Variants in MUC6 observed in about 807,000 individuals in gnomAD.
The protein encoded by MUC6 is mucin 6, oligomeric mucus/gel-forming (gene/pseudogene).
MUC6 carries 188 observed loss-of-function variants against 201.5 expected under a neutral mutation model. The ratio of observed to expected loss-of-function variants is 0.93; its 90% confidence interval spans 0.83 to 1.05. The LOEUF is 1.05. Ranked by LOEUF, MUC6 falls within the 50% of genes least tolerant of loss-of-function variation. MUC6 has a pLI of 0.00. For synonymous variants in MUC6, 1,228 were observed against 1,389.4 expected, an observed-to-expected ratio of 0.88 and a Z score of 2.58; for missense variants, 2,706 against 3,256.9, an observed-to-expected ratio of 0.83 and a Z score of 4.12.
chr11:1,032,493 T>C (rs1366045759), intron 2 of MUC6, among the ~76,000 whole-genome samples: 1 of 151,384 alleles, frequency 6.6e-6, no homozygotes, highest in Admixed American at 6.6e-5. Flanking sequence ...CGAGTGCATG[T>C]GTGTGCATTC....
rs1473731445 is a variant in MUC6 at position 1,020,153 on chromosome 11, G to T, written c.3745C>A (p.Pro1249Thr). The T allele has an allele frequency of 1.4e-5, 22 of 1,613,214 alleles. No individual in the cohort carries two copies. The highest frequency in any genetic ancestry group is 1.9e-5 in the Non-Finnish European group (22 of 1,179,854). Reference sequence around the variant, plus strand: ...GCTGGAAGGAGGGGTGTCTGGGTGGGGCTGGCAGGGGTGTGATTAGAGCTG... The same window carrying T: ...GCTGGAAGGAGGGGTGTCTGGGTGGTGCTGGCAGGGGTGTGATTAGAGCTG... ...SPSSNHTPASPTQTPLLPATL... is the reference protein window; with the variant it reads ...SPSSNHTPASTTQTPLLPATL... The change falls in exon 29 of 33, where the codon CCC (proline) becomes ACC (threonine). Residue 1249 changes from proline (P) to threonine (T), a missense_variant. By Grantham distance (38) the Pro-to-Thr change is conservative (BLOSUM62 -1). Coordinates refer to ENST00000421673, the MANE Select transcript of MUC6 (RefSeq NM_005961.3).
Position 1,016,232 on chromosome 11 carries a change from G to A in MUC6, c.6569C>T (p.Ala2190Val). 3 of 1,613,362 alleles carry A rather than the reference G, an allele frequency of 1.9e-6. No homozygotes were observed. The highest frequency in any genetic ancestry group is 2.2e-5 in the East Asian group (1 of 44,872). ...AAAAAGAGGAGATGCAGACACTGAT[G>A]CAGTCGTGGGATGAGTGGACAATGA... Reference protein sequence around the residue: ...HSSLSTHPTTASVSASPLFPS... With the variant: ...HSSLSTHPTTVSVSASPLFPS... Residue 2190 changes from alanine to valine, a missense_variant, in exon 31 of 33, where the codon GCA becomes GTA. Physicochemically the swap from Ala to Val is moderately conservative, Grantham distance 64. Around this residue, in one of 10 missense-constraint regions of MUC6, gnomAD observed 586 missense variants for 488.0 expected, o/e 1.20. Coordinates refer to ENST00000421673, the MANE Select transcript of MUC6 (RefSeq NM_005961.3).
Position 1,031,197 on chromosome 11 carries a change from C to G in MUC6, c.546G>C (p.Lys182Asn). The G allele has an allele frequency of 1.3e-6, 2 of 1,566,980 alleles. No homozygotes were observed. The highest frequency in any genetic ancestry group is 1.7e-6 in the Non-Finnish European group (2 of 1,156,962). The change falls in exon 5 of 33, where the codon AAG (lysine) becomes AAC (asparagine). Residue 182 changes from lysine (K) to asparagine (N), a missense_variant. Coordinates refer to ENST00000421673, the MANE Select transcript of MUC6 (RefSeq NM_005961.3). ...CCTCACTGACAAACTCGTTGGTCAC[C>G]TTCCCGTCAAAGTTCCCGCAGAGCC... Reference protein sequence around the residue: ...MCGLCGNFDGKVTNEFVSEEG... With the variant: ...MCGLCGNFDGNVTNEFVSEEG...
chr11:1,021,325 C>T (rs1446938093), intron 26 of MUC6, 48 bp from the exon 27 acceptor site: 1 of 1,366,324 alleles, frequency 7.3e-7, no homozygotes, highest in Non-Finnish European at 9.7e-7. Flanking sequence ...GCCAGCCAGG[C>T]CCACCTGCGT....
At chr11:1,018,829 G>T (rs1564836462) in intron 30 of MUC6, 59 bp from the exon 31 acceptor site, 4 of 1,515,160 alleles carry the variant, frequency 2.6e-6, no homozygotes, top group Non-Finnish European at 3.5e-6. Flanking sequence ...CCTGACCTCC[G>T]CTGGCCCGTC....
chr11:1,023,674 G>T (rs750998123), intron 25 of MUC6, 22 bp from the exon 26 acceptor site: 10 of 1,610,566 alleles, frequency 6.2e-6, no homozygotes, highest in Middle Eastern at 2.1e-4. Flanking sequence ...GGAGCTGTCA[G>T]CTGGTGGGGT....
rs72842419 is a variant in MUC6, at chr11:1,033,856, C to T, written c.53-781G>A. 0.13 allele frequency among the ~76,000 whole-genome samples: 20,014 copies of T among 151,874 alleles called. 1,637 individuals are homozygous for T. The highest frequency in any genetic ancestry group is 0.19 in the Non-Finnish European group (12,963 of 67,810). On this transcript the variant is annotated intron_variant, in intron 1 of 32. Coordinates refer to ENST00000421673, the MANE Select transcript of MUC6 (RefSeq NM_005961.3). This position sits in a 1 kb window ranked among gnomAD's most constrained non-coding sequence, Gnocchi z 5.6. ...AGCCCCCGATGTCTGAGTGGTGGTGCGGCACCTGAGCAGGACCCGTGACCT... is the reference window on the plus strand; with the variant it reads ...AGCCCCCGATGTCTGAGTGGTGGTGTGGCACCTGAGCAGGACCCGTGACCT...
chr11:1,017,439 C>A lies in MUC6; in HGVS notation c.5362G>T (p.Ala1788Ser), dbSNP rs769070993. The stretch of plus-strand genomic sequence containing the variant: ...GGTGTGGGTAGCCTGCTGCTGGTGG[C>A]CGACGTGGTGTGGGCCACAGGGGTT... ...TRTPVAHTTS[A>S]TSSRLPTPFT... Residue 1788 changes from alanine (A) to serine (S), a missense_variant, in exon 31 of 33, where the codon GCC becomes TCC. Coordinates refer to ENST00000421673, the MANE Select transcript of MUC6 (RefSeq NM_005961.3). 6.2e-7 allele frequency: 1 copy of A among 1,614,050 alleles called. No individual in the cohort carries two copies.
intron 18 of MUC6, 33 bp downstream of exon 18, chr11:1,027,108 G>A (rs1487249248): frequency 6.2e-7 from 1 of 1,611,660 alleles, no homozygotes; most frequent in Non-Finnish European, 8.5e-7. Flanking sequence ...GCCCCTCACA[G>A]TCCCAGCCTG....
At position 1,013,530 on chromosome 11, in the gene MUC6, G is replaced by C; in HGVS notation, c.7246C>G (p.Pro2416Ala). 12 of 1,582,244 alleles carry C rather than the reference G, an allele frequency of 7.6e-6. No homozygotes were observed. The highest frequency in any genetic ancestry group is 1.0e-5 in the Non-Finnish European group (12 of 1,165,606). The stretch of plus-strand genomic sequence containing the variant: ...AGGGTGAGTACGAGCCGCCGGCCAG[G>C]CGTGCTGGGATCGGGGCAGGGCAGC... ...LELPCPDPST[P>A]GRRLVLTLQV... The change falls in exon 33 of 33, where the codon CCT (proline) becomes GCT (alanine). Residue 2416 changes from proline to alanine, a missense_variant. This residue lies in a region of MUC6 where 586 missense variants were observed against 488.0 expected (regional missense o/e 1.20). Coordinates refer to ENST00000421673, the MANE Select transcript of MUC6 (RefSeq NM_005961.3).
At position 1,036,601 on chromosome 11, in the gene MUC6, C is replaced by T; in HGVS notation, c.52+3G>A. On this transcript the variant is annotated splice_donor_region_variant and intron_variant, in intron 1 of 32. Coordinates refer to ENST00000421673, the MANE Select transcript of MUC6 (RefSeq NM_005961.3). ...GTGTCTGGCGCCCCTCGACCTCACT[C>T]ACCAGCGCTGAGCAGGGCTCCGCAG... is the stretch of plus-strand genomic sequence containing the variant. 1 of 1,548,964 alleles carries T rather than the reference C, an allele frequency of 6.5e-7. No homozygotes were observed.
In MUC6 at chr11:1,026,035, C is replaced by A; in HGVS notation, c.2653G>T (p.Val885Leu). 1 of 1,589,958 alleles carries A rather than the reference C, an allele frequency of 6.3e-7. No homozygotes were observed. Among genetic ancestry groups the A allele is most frequent in the Non-Finnish European group, 8.6e-7 (1 of 1,168,640 alleles). ...ATGTACTCGCAGTTGCCGTCGAATA[C>A]GAAGCGCTGGCCGTCGAAGGTGATG... The part of the protein sequence containing the change: ...HVITFDGQRF[V>L]FDGNCEYILA... The change falls in exon 21 of 33, where the codon GTA becomes TTA. Residue 885 changes from valine to leucine, a missense_variant. Physicochemically the swap from Val to Leu is conservative, Grantham distance 32. Around this residue, in one of 10 missense-constraint regions of MUC6, gnomAD observed 1,850 missense variants for 1,958.3 expected, o/e 0.94. Coordinates refer to ENST00000421673, the MANE Select transcript of MUC6 (RefSeq NM_005961.3).
chr11:1,027,151 C>T lies in MUC6; in HGVS notation c.2274G>A (p.Gln758=). The T allele has an allele frequency of 6.2e-7, 1 of 1,612,516 alleles. No homozygotes were observed. Among genetic ancestry groups the T allele is most frequent in the Non-Finnish European group, 8.5e-7 (1 of 1,179,814 alleles). Residue 758 remains glutamine (Q), a synonymous_variant, in exon 18 of 33, where the codon CAG becomes CAA. Transcript: ENST00000421673. ...NGRLSCPQRP[Q]MFLASCQAPK... Reference sequence around the variant, plus strand: ...CGCTGCTGTACGTACCCAGGAACATCTGTGGCCGCTGCGGGCAACTCAGCC... The same window carrying T: ...CGCTGCTGTACGTACCCAGGAACATTTGTGGCCGCTGCGGGCAACTCAGCC...
At position 1,031,745 on chromosome 11, in the gene MUC6, G is replaced by A. The variant is rs1475617528; in HGVS notation, c.357-12C>T. ...GCAGGCTGATGACCCTGTGGGGCAAGGGAAGTCGGTGGTCGATCCTCAGTC... is the reference window on the plus strand; with the variant it reads ...GCAGGCTGATGACCCTGTGGGGCAAAGGAAGTCGGTGGTCGATCCTCAGTC... On this transcript the variant is annotated splice_polypyrimidine_tract_variant and intron_variant, in intron 3 of 32. Transcript: ENST00000421673. 6.5e-7 allele frequency: 1 copy of A among 1,549,966 alleles called. No homozygotes were observed. The highest frequency in any genetic ancestry group is 8.7e-7 in the Non-Finnish European group (1 of 1,146,414).
Position 1,024,905 on chromosome 11 carries a change from G to T in MUC6, c.3164C>A (p.Ser1055Tyr), listed in dbSNP as rs1406544063. ...DPCSLNAFRR[S>Y]WAERKCSVIN... ...GACGCTGCACTTGCGCTCGGCCCAG[G>T]AGCGCCGGAAGGCATTGAGACTGCA... The change falls in exon 24 of 33, where the codon TCC becomes TAC. Residue 1055 changes from serine to tyrosine, a missense_variant. Ser to Tyr is a moderately radical substitution (Grantham distance 144). Transcript: ENST00000421673. The T allele has an allele frequency of 4.3e-6, 7 of 1,612,688 alleles. No individual in the cohort carries two copies. Among genetic ancestry groups the T allele is most frequent in the Non-Finnish European group, 5.9e-6 (7 of 1,179,894 alleles).
rs747992896 is a variant in MUC6 at position 1,028,291 on chromosome 11, C to T, written c.1688G>A (p.Arg563Gln). ...CAGAGCGGCCGGACAGTTCCCCGCC[C>T]GCCAGGAGTCCACAAACAGCGAGGC... The part of the protein sequence containing the change: ...GTASLFVDSW[R>Q]AGNCPAALER... The change falls in exon 14 of 33, where the codon CGG (arginine) becomes CAG (glutamine). Residue 563 changes from arginine (R) to glutamine (Q), a missense_variant. Arg to Gln is a conservative substitution (Grantham distance 43, BLOSUM62 1). Coordinates refer to ENST00000421673, the MANE Select transcript of MUC6 (RefSeq NM_005961.3). 9.9e-6 allele frequency: 16 copies of T among 1,608,384 alleles called. No individual in the cohort carries two copies. Among genetic ancestry groups the T allele is most frequent in the Non-Finnish European group, 1.4e-5 (16 of 1,178,238 alleles).
Position 1,016,219 on chromosome 11 carries a change from T to G in MUC6, c.6582A>C (p.Ala2194=). Residue 2194 remains alanine (A), a synonymous_variant, in exon 31 of 33, where the codon GCA becomes GCC. Coordinates refer to ENST00000421673, the MANE Select transcript of MUC6 (RefSeq NM_005961.3). ...STHPTTASVS[A]SPLFPSSPAA... is the part of the protein sequence containing the mutation. ...CTGGAGAAGAAGGAAAAAGAGGAGA[T>G]GCAGACACTGATGCAGTCGTGGGAT... 2.5e-6 allele frequency: 4 copies of G among 1,612,678 alleles called. No homozygotes were observed. Among genetic ancestry groups the G allele is most frequent in the Non-Finnish European group, 3.4e-6 (4 of 1,179,552 alleles).
In MUC6 at chr11:1,016,486, T is replaced by G; in HGVS notation, c.6315A>C (p.Ser2105=). ...PQNSSSRPPS[S]PITTQLPHLS... ...AGTGGGGGAGTTGTGTGGTGATAGG[T>G]GATGACGGTGGCCTTGAGCTAGAGT... Residue 2105 remains serine, a synonymous_variant, in exon 31 of 33, where the codon TCA becomes TCC. Coordinates refer to ENST00000421673, the MANE Select transcript of MUC6 (RefSeq NM_005961.3). 6.8e-6 allele frequency: 11 copies of G among 1,610,824 alleles called. No homozygotes were observed. Among genetic ancestry groups the G allele is most frequent in the Non-Finnish European group, 9.3e-6 (11 of 1,179,062 alleles).
chr11:1,020,981 T>A (rs1856793080), intron 27 of MUC6, among the ~76,000 whole-genome samples: 1 of 152,076 alleles, frequency 6.6e-6, no homozygotes. Flanking sequence ...GAAGAGGGGA[T>A]GGGAGGGCCC....
Sources: gnomAD v4.1 joint callset for allele counts (sites outside exome capture counted in the v4.1 genomes callset) on GRCh38, gnomAD v4.1.1 for gene constraint, gnomAD v4.1.1 regional missense constraint, Gnocchi (gnomAD v3.1) non-coding constraint, MANE v1.5 for transcripts, NCBI Gene and HGNC (gene_info 2026-07-23, HGNC 2026-07-21) for gene names.